The following YES1 variants were observed in gnomAD, a reference collection of about 807,000 sequenced individuals.
YES1 encodes tyrosine-protein kinase Yes.
YES1 carries 39 observed loss-of-function variants against 70.4 expected under a neutral mutation model. That is an observed-to-expected ratio of 0.55 (90% CI 0.43 to 0.72). The LOEUF (loss-of-function observed/expected upper bound fraction) is 0.72, where lower values mean the gene tolerates loss of function less well. Among genes scored for constraint, YES1 ranks in the 30% least tolerant of loss-of-function variants. The pLI is 0.00. For synonymous variants in YES1, 198 were observed against 218.6 expected (o/e 0.91, Z 0.83); for missense variants, 495 against 644.8 (o/e 0.77, Z 2.52).
intron 6 of YES1, among the ~76,000 whole-genome samples, chr18:744,552 G>A (rs2080255577): frequency 6.6e-6 from 1 of 151,562 alleles, no homozygotes; most frequent in Admixed American, 6.6e-5. Context: ...ACCACGCCTG[G>A]CTAAATTTTT....
intron 1 of YES1, among the ~76,000 whole-genome samples, chr18:780,845 A>G (rs1271500628): frequency 6.6e-6 from 1 of 152,194 alleles, no homozygotes; most frequent in Non-Finnish European, 1.5e-5. Context: ...TACAGTGTTA[A>G]TTCTCCAATC....
chr18:763,238 C>A (rs1383742131), intron 1 of YES1, among the ~76,000 whole-genome samples: 1 of 152,108 alleles, frequency 6.6e-6, no homozygotes, highest in Non-Finnish European at 1.5e-5. Context: ...TTTAGACTTT[C>A]TCCAGGGAGC....
rs375957267 is a variant in YES1 at position 746,346 on chromosome 18, C to T, written c.471-295G>A. ...GGGAAAGGCAGCAAAATAACAGACCCTTTCTGTCAGTGACAAATGGAAATA... is the reference window on the plus strand; with the variant it reads ...GGGAAAGGCAGCAAAATAACAGACCTTTTCTGTCAGTGACAAATGGAAATA... On this transcript the variant is annotated intron_variant, in intron 4 of 11. Transcript: ENST00000314574. Among the ~76,000 whole-genome samples the T allele has an allele frequency of 1.3e-3, 197 of 152,274 alleles. 4 individuals carry two copies. In the South Asian group the frequency reaches 0.037, roughly 28 times the overall value.
intron 1 of YES1, among the ~76,000 whole-genome samples, chr18:766,414 T>C (rs1446542318): frequency 6.6e-6 from 1 of 152,072 alleles, no homozygotes; most frequent in Non-Finnish European, 1.5e-5. Context: ...GCTAATTAAA[T>C]GTAAGTTAAA....
intron 1 of YES1, among the ~76,000 whole-genome samples, chr18:767,680 A>AATTT (rs1487947566): frequency 6.6e-6 from 1 of 152,016 alleles, no homozygotes; most frequent in Non-Finnish European, 1.5e-5. Flanking sequence ...GAAATTATAT[A>AATTT]ATATAAAGCC....
chr18:783,052 A>C (rs903373956), intron 1 of YES1, among the ~76,000 whole-genome samples: 4 of 151,170 alleles, frequency 2.6e-5, no homozygotes, highest in Non-Finnish European at 4.4e-5. Context: ...TTTTTTTTTT[A>C]AGAAAAGTAT....
At chr18:733,022 C>T (rs2080110471) in intron 10 of YES1, 57 bp from the exon 11 acceptor site, 1 of 1,563,106 alleles carries the variant, frequency 6.4e-7, no homozygotes. Context: ...TTTGTGTAAA[C>T]ATAGCATATG....
chr18:810,201 T>C lies in YES1; in HGVS notation c.-9+1913A>G, dbSNP rs544580306. 6.6e-5 allele frequency among the ~76,000 whole-genome samples: 10 copies of C among 152,340 alleles called. No homozygotes were observed. In the East Asian group the frequency reaches 1.5e-3, roughly 24 times the overall value. ...GTCTAACATGATGCAAATTTCAACTTTGAATAAGTAAGTCTTACACCATCG... is the reference window on the plus strand; with the variant it reads ...GTCTAACATGATGCAAATTTCAACTCTGAATAAGTAAGTCTTACACCATCG... On this transcript the variant is annotated intron_variant, in intron 1 of 11. Transcript: ENST00000314574.
chr18:767,220 G>C (rs1303468041), intron 1 of YES1, among the ~76,000 whole-genome samples: 1 of 152,010 alleles, frequency 6.6e-6, no homozygotes, highest in Non-Finnish European at 1.5e-5. Flanking sequence ...CATGATAATG[G>C]GTCACTGAAA....
intron 11 of YES1, 123 bp from the exon 12 acceptor site, chr18:724,755 A>G: frequency 2.8e-6 from 2 of 702,002 alleles, no homozygotes; most frequent in Non-Finnish European, 4.6e-6. Flanking sequence ...TCTTTTAACA[A>G]AGCAACAAAA....
chr18:787,442 G>T (rs1024013486), intron 1 of YES1, among the ~76,000 whole-genome samples: 1 of 151,970 alleles, frequency 6.6e-6, no homozygotes, highest in Non-Finnish European at 1.5e-5. Flanking sequence ...GGGCGCGGTG[G>T]CTCACACCTG....
At chr18:753,286 A>G (rs1263690899) in intron 2 of YES1, among the ~76,000 whole-genome samples, 1 of 152,168 alleles carries the variant, frequency 6.6e-6, no homozygotes, top group African/African-American at 2.4e-5. Context: ...ATTGCATCAC[A>G]TATCATTTTT....
At chr18:756,489 G>A in intron 2 of YES1, 68 bp downstream of exon 2, 1 of 1,554,520 alleles carries the variant, frequency 6.4e-7, no homozygotes, top group Non-Finnish European at 8.8e-7. Context: ...AGGCAGACAA[G>A]CCTTAAGTAT....
At chr18:773,990 C>A (rs1224185889) in intron 1 of YES1, among the ~76,000 whole-genome samples, 2 of 152,084 alleles carry the variant, frequency 1.3e-5, no homozygotes, top group African/African-American at 4.8e-5. Context: ...CACCATCTTG[C>A]CCGGCTAATT....
chr18:774,146 TAAGAC>T (rs1251207139), intron 1 of YES1, among the ~76,000 whole-genome samples: 1 of 152,186 alleles, frequency 6.6e-6, no homozygotes, highest in Non-Finnish European at 1.5e-5. Flanking sequence ...ATCTGCTTTG[TAAGAC>T]ATTACCCTCT....
chr18:751,405 CTCTT>C (rs1302482943), intron 3 of YES1, among the ~76,000 whole-genome samples: 1 of 152,086 alleles, frequency 6.6e-6, no homozygotes, highest in East Asian at 1.9e-4. Context: ...GCATCAAACT[CTCTT>C]TATAAAGTTT....
intron 1 of YES1, among the ~76,000 whole-genome samples, chr18:775,667 T>C (rs921763965): frequency 3.9e-5 from 6 of 152,112 alleles, no homozygotes; most frequent in African/African-American, 1.4e-4. Flanking sequence ...CATGGTGGCA[T>C]ACCCCTGTAG....
At chr18:789,373 G>A (rs1568215491) in intron 1 of YES1, among the ~76,000 whole-genome samples, 1 of 152,054 alleles carries the variant, frequency 6.6e-6, no homozygotes, top group East Asian at 1.9e-4. Context: ...CTTGAGCCCA[G>A]GAGTTCAAGA....
chr18:802,063 T>C (rs934791218), intron 1 of YES1, among the ~76,000 whole-genome samples: 12 of 152,224 alleles, frequency 7.9e-5, no homozygotes, highest in Admixed American at 7.2e-4. Context: ...ACAGCTGATA[T>C]CTATTATAAA....
Sources: allele counts gnomAD v4.1 joint callset (sites outside exome capture counted in the v4.1 genomes callset), GRCh38; gene constraint gnomAD v4.1.1; transcripts MANE v1.5; gene names NCBI Gene and HGNC (gene_info 2026-07-23, HGNC 2026-07-21).